Variants in MACROD1 observed in about 807,000 individuals in gnomAD.
MACROD1 encodes ADP-ribose glycohydrolase MACROD1.
MACROD1 carries 31 observed loss-of-function variants against 41.4 expected under a neutral mutation model. The ratio of observed to expected loss-of-function variants is 0.75; its 90% confidence interval spans 0.56 to 1.01. MACROD1 has a LOEUF of 1.01. MACROD1 is among the 50% of genes least tolerant of loss of function. MACROD1 has a pLI of 0.00. For synonymous variants in MACROD1, 252 were observed against 203.4 expected (o/e 1.24, Z -2.03); for missense variants, 473 against 460.0 (o/e 1.03, Z -0.26).
chr11:64,149,723 GGC>G (rs1945547443), intron 3 of MACROD1, among the ~76,000 whole-genome samples: 1 of 152,240 alleles, frequency 6.6e-6, no homozygotes, highest in South Asian at 2.1e-4. Context: ...GCCAGTGACT[GGC>G]AGGGCTGGAG....
chr11:64,123,212 C>T (rs949196520), intron 3 of MACROD1, among the ~76,000 whole-genome samples: 6 of 152,200 alleles, frequency 3.9e-5, no homozygotes, highest in Non-Finnish European at 8.8e-5. Flanking sequence ...GACGGGCGTC[C>T]GCGTGCCTCC....
At chr11:64,057,142 C>CGGGTG (rs1943801337) in intron 3 of MACROD1, among the ~76,000 whole-genome samples, 1 of 152,226 alleles carries the variant, frequency 6.6e-6, no homozygotes, top group Non-Finnish European at 1.5e-5. Flanking sequence ...TTGCTGGACC[C>CGGGTG]GGGTGCCCCT....
chr11:64,091,198 G>C (rs1944483924), intron 3 of MACROD1, among the ~76,000 whole-genome samples: 1 of 151,936 alleles, frequency 6.6e-6, no homozygotes, highest in Admixed American at 6.5e-5. Context: ...CTGGGGCAAG[G>C]GAAGTGGGCA....
intron 3 of MACROD1, among the ~76,000 whole-genome samples, chr11:64,076,782 G>A (rs904455975): frequency 8.5e-5 from 13 of 152,130 alleles, no homozygotes; most frequent in Non-Finnish European, 1.5e-4. Flanking sequence ...GCTAAGGTGG[G>A]ACCCAGGCTC....
intron 3 of MACROD1, among the ~76,000 whole-genome samples, chr11:64,072,370 C>T (rs1034511920): frequency 2.6e-5 from 4 of 151,878 alleles, no homozygotes; most frequent in Non-Finnish European, 5.9e-5. Flanking sequence ...TGGAAGCCAG[C>T]AATGCAGGAA....
chr11:64,001,258 C>A, intron 4 of MACROD1: 1 of 609,558 alleles, frequency 1.6e-6, no homozygotes, highest in East Asian at 2.7e-5. Flanking sequence ...CCTGCCCCTT[C>A]CCCTCTCTGG....
chr11:64,018,228 C>T (rs933574403), intron 3 of MACROD1, among the ~76,000 whole-genome samples: 2 of 152,096 alleles, frequency 1.3e-5, no homozygotes, highest in Non-Finnish European at 2.9e-5. Context: ...GTGGGTGCCC[C>T]GGGAGGCCAG....
chr11:64,163,354 T>C (rs909858217), intron 1 of MACROD1, among the ~76,000 whole-genome samples: 12 of 152,188 alleles, frequency 7.9e-5, no homozygotes, highest in African/African-American at 2.9e-4. Context: ...TTGAGATTCT[T>C]TCTTTCAAGA....
intron 1 of MACROD1, among the ~76,000 whole-genome samples, chr11:64,157,699 T>C (rs1945690859): frequency 6.6e-6 from 1 of 152,014 alleles, no homozygotes; most frequent in Non-Finnish European, 1.5e-5. Flanking sequence ...GAATGGGAAT[T>C]CAATGCTGTG....
intron 5 of MACROD1, 147 bp downstream of exon 5, chr11:64,000,080 G>A: frequency 1.5e-6 from 1 of 660,354 alleles, no homozygotes; most frequent in East Asian, 2.8e-5. Flanking sequence ...GGGTGTGCGG[G>A]GTGGGGGCCG....
intron 3 of MACROD1, among the ~76,000 whole-genome samples, chr11:64,132,351 T>C (rs949894557): frequency 1.3e-5 from 2 of 148,474 alleles, no homozygotes; most frequent in African/African-American, 5.0e-5. Context: ...GAATCTTCTA[T>C]GTCCAGGCTG....
Position 64,035,392 on chromosome 11 carries a change from G to GATGA in MACROD1, c.518-20115_518-20112dup, listed in dbSNP as rs983105900. 4.4e-4 allele frequency among the ~76,000 whole-genome samples: 67 copies of GATGA among 152,212 alleles called. 1 individual carries two copies. The highest frequency in any genetic ancestry group is 2.7e-3 in the East Asian group (14 of 5,170). ...TTGTGAATGAATGCACGGGTGGACG[G>GATGA]ATGAATGAATGAATGAATGAATGGA... On this transcript the variant is annotated intron_variant, in intron 3 of 10. Coordinates refer to ENST00000255681, the MANE Select transcript of MACROD1 (RefSeq NM_014067.4).
chr11:64,162,771 C>T (rs1328555480), intron 1 of MACROD1, among the ~76,000 whole-genome samples: 2 of 151,158 alleles, frequency 1.3e-5, no homozygotes, highest in Admixed American at 6.6e-5. Flanking sequence ...ACCAAGGTCG[C>T]GCCACTGCAC....
At chr11:64,151,474 G>A in intron 2 of MACROD1, 119 bp from the exon 3 acceptor site, 1 of 700,074 alleles carries the variant, frequency 1.4e-6, no homozygotes, top group South Asian at 1.6e-5. Context: ...GGGGCAGCCT[G>A]CAGCACGATG....
At chr11:64,047,708 C>T (rs1024582700) in intron 3 of MACROD1, among the ~76,000 whole-genome samples, 1 of 151,966 alleles carries the variant, frequency 6.6e-6, no homozygotes, top group African/African-American at 2.4e-5. Flanking sequence ...ACCAGCCTGG[C>T]CAACGTGGTG....
chr11:64,034,426 T>C (rs1157393021), intron 3 of MACROD1, among the ~76,000 whole-genome samples: 1 of 152,212 alleles, frequency 6.6e-6, no homozygotes, highest in Non-Finnish European at 1.5e-5. Flanking sequence ...AATAGCTGTT[T>C]GGTGAATTGA....
chr11:64,076,582 C>T (rs1944206606), intron 3 of MACROD1, among the ~76,000 whole-genome samples: 1 of 152,190 alleles, frequency 6.6e-6, no homozygotes, highest in Admixed American at 6.5e-5. Context: ...CTTAGTCATC[C>T]TCACAACAGC....
intron 3 of MACROD1, among the ~76,000 whole-genome samples, chr11:64,110,821 ACAAGGGAATAAAAAGG>A (rs1482941059): frequency 6.6e-6 from 1 of 152,166 alleles, no homozygotes; most frequent in Non-Finnish European, 1.5e-5. Context: ...GAAACACACA[ACAAGGGAATAAAAAGG>A]CAAGCAGGCA....
intron 3 of MACROD1, among the ~76,000 whole-genome samples, chr11:64,102,930 G>C (rs1944695301): frequency 6.6e-6 from 1 of 152,154 alleles, no homozygotes; most frequent in Non-Finnish European, 1.5e-5. Context: ...AATTAGCCGG[G>C]TGTGGTGGCT....
Sources: allele counts gnomAD v4.1 joint callset (sites outside exome capture counted in the v4.1 genomes callset), GRCh38; gene constraint gnomAD v4.1.1; transcripts MANE v1.5; gene names NCBI Gene and HGNC (gene_info 2026-07-23, HGNC 2026-07-21).